PRH1: variants seen among roughly 807,000 people sequenced by gnomAD.
PRH1 encodes proline rich protein HaeIII subfamily 1.
PRH1 carries 7 observed loss-of-function variants against 7.9 expected under a neutral mutation model. That is an observed-to-expected ratio of 0.89 (90% CI 0.50 to 1.67). PRH1 has a LOEUF of 1.67. Ranked by LOEUF, PRH1 falls within the 40% of genes most tolerant of loss-of-function variation. PRH1 has a pLI of 0.00. For missense variants in PRH1, 109 were observed against 223.6 expected, an observed-to-expected ratio of 0.49 and a Z score of 3.27; for synonymous variants, 45 against 80.8, an observed-to-expected ratio of 0.56 and a Z score of 2.38.
rs1167072428 is a variant in PRH1 at position 11,065,381 on chromosome 12, C to T, written n.124-18193G>A. ...TTTACCACTTTTGGAAAAATCTCCA[C>T]AATGCTTCTGGCCCATTTTCTCTCT... On this transcript the variant is annotated intron_variant and non_coding_transcript_variant, in intron 1 of 4. Coordinates refer to the PRH1 transcript ENST00000541977. Among the ~76,000 whole-genome samples, 3 of 141,394 alleles carry T rather than the reference C, an allele frequency of 2.1e-5. No homozygotes were observed. In the East Asian group the frequency reaches 7.2e-4, roughly 34 times the overall value. The allele number at this position is 141,394 out of a possible 152,430, so 92.8% of individuals were successfully genotyped here.
rs1052748617 is a variant in PRH1, at chr12:11,082,380, C to T, written n.124-35192G>A. Among the ~76,000 whole-genome samples the T allele has an allele frequency of 3.5e-5, 4 of 114,558 alleles. 1 individual carries two copies. The highest frequency in any genetic ancestry group is 2.4e-4 in the South Asian group (1 of 4,220). 75.2% of individuals were successfully genotyped at this position (114,558 alleles called of 152,430 possible). ...AGTTCAATGGCACAATCTTGGCTCACGGCAACAGCTGCCTCCCTGGTTCAA... is the reference window on the plus strand; with the variant it reads ...AGTTCAATGGCACAATCTTGGCTCATGGCAACAGCTGCCTCCCTGGTTCAA... On this transcript the variant is annotated intron_variant and non_coding_transcript_variant, in intron 1 of 4. Transcript: ENST00000541977.
downstream of PRH1, among the ~76,000 whole-genome samples, chr12:11,119,205 T>A (rs1237744248): frequency 1.3e-5 from 2 of 151,960 alleles, no homozygotes; most frequent in African/African-American, 4.8e-5. Context: ...ATCTGTGGTA[T>A]CTAAAAATCA....
intron 2 of PRH1, among the ~76,000 whole-genome samples, chr12:10,956,576 C>T (rs909646045): frequency 1.3e-5 from 2 of 152,002 alleles, no homozygotes; most frequent in African/African-American, 2.4e-5. Flanking sequence ...TCAAAGCAAT[C>T]AGGAAGAGAA....
At position 11,031,966 on chromosome 12, in the gene PRH1, T is replaced by C. The variant is rs7315079; in HGVS notation, c.-126+15054A>G. On this transcript the variant is annotated intron_variant, in intron 1 of 3. Coordinates refer to the PRH1 transcript ENST00000539853. ...CTGTGACATTCTTTTTACTTTTAAT[T>C]GTTGTGACCAGTGTCAAGCCAGAAA... 9.4e-3 allele frequency among the ~76,000 whole-genome samples: 1,428 copies of C among 152,326 alleles called. 17 individuals are homozygous for C. Among genetic ancestry groups the C allele is most frequent in the African/African-American group, 0.032 (1,344 of 41,548 alleles).
chr12:10,940,075 A>G (rs1950373078), intron 2 of PRH1, among the ~76,000 whole-genome samples: 1 of 151,604 alleles, frequency 6.6e-6, no homozygotes, highest in Admixed American at 6.6e-5. Context: ...GGACTTATTC[A>G]TAGTTATCCA....
chr12:11,156,973 G>A (rs1038757273), intron 1 of PRH1, among the ~76,000 whole-genome samples: 1 of 151,720 alleles, frequency 6.6e-6, no homozygotes, highest in Non-Finnish European at 1.5e-5. Flanking sequence ...AGCCTCCCGA[G>A]TAGCTGGGTC....
chr12:10,951,748 A>C (rs1937680284), intron 2 of PRH1, among the ~76,000 whole-genome samples: 1 of 152,184 alleles, frequency 6.6e-6, no homozygotes, highest in Admixed American at 6.5e-5. Context: ...CACTTAAAAA[A>C]TGTGTTTTCG....
chr12:11,060,854 A>ACG (rs1228354420), intron 1 of PRH1, among the ~76,000 whole-genome samples: 3 of 152,258 alleles, frequency 2.0e-5, no homozygotes, highest in Non-Finnish European at 2.9e-5. Flanking sequence ...ACACATCCTT[A>ACG]TTATTGATTT....
chr12:10,967,955 C>T (rs1268551529), intron 2 of PRH1, among the ~76,000 whole-genome samples: 3 of 152,282 alleles, frequency 2.0e-5, no homozygotes, highest in South Asian at 2.1e-4. Flanking sequence ...GTGGCACGTG[C>T]CTGTCATCTC....
At chr12:10,889,394 G>T (rs1048649979) in intron 2 of PRH1, among the ~76,000 whole-genome samples, 3 of 151,940 alleles carry the variant, frequency 2.0e-5, no homozygotes, top group African/African-American at 7.3e-5. Context: ...TATTTATATT[G>T]CATTTTCCCT....
At chr12:10,996,673 G>A (rs933152415) in intron 1 of PRH1, 19 of 250,172 alleles carry the variant, frequency 7.6e-5, no homozygotes, top group South Asian at 3.4e-4. Context: ...ATCCTACTTT[G>A]GTATAACTGA....
intron 1 of PRH1, among the ~76,000 whole-genome samples, chr12:11,060,739 T>G (rs1943560308): frequency 6.6e-6 from 1 of 152,174 alleles, no homozygotes; most frequent in African/African-American, 2.4e-5. Flanking sequence ...ACTCTACATA[T>G]GCTTGTCACT....
chr12:10,982,652 T>C (rs1422806240), intron 1 of PRH1, among the ~76,000 whole-genome samples: 1 of 152,158 alleles, frequency 6.6e-6, no homozygotes, highest in Non-Finnish European at 1.5e-5. Flanking sequence ...AATATATTAA[T>C]AATATTACAT....
At chr12:11,118,319 G>T (rs1350489877), downstream of PRH1, among the ~76,000 whole-genome samples, 1 of 152,134 alleles carries the variant, frequency 6.6e-6, no homozygotes, top group African/African-American at 2.4e-5. Context: ...ATGTGAAAAG[G>T]TGCTCAACAT....
intron 1 of PRH1, among the ~76,000 whole-genome samples, chr12:11,139,607 T>C (rs1946650226): frequency 6.6e-6 from 1 of 152,232 alleles, no homozygotes; most frequent in African/African-American, 2.4e-5. Context: ...TGTAAACATG[T>C]CAGTCTTCTT....
At chr12:11,074,097 C>T (rs1246730500) in intron 1 of PRH1, among the ~76,000 whole-genome samples, 2 of 140,650 alleles carry the variant, frequency 1.4e-5, no homozygotes, top group African/African-American at 2.6e-5. Context: ...CTCTCCTGTT[C>T]CCATGGTCAG....
chr12:11,041,883 G>C (rs1284254718), intron 1 of PRH1, among the ~76,000 whole-genome samples: 1 of 151,962 alleles, frequency 6.6e-6, no homozygotes, highest in Non-Finnish European at 1.5e-5. Context: ...ATGACCAGTA[G>C]GTCAACAAAT....
chr12:11,054,721 TATC>T (rs1003119102), intron 1 of PRH1, among the ~76,000 whole-genome samples: 5 of 152,326 alleles, frequency 3.3e-5, no homozygotes, highest in South Asian at 2.1e-4. Flanking sequence ...TTTGAAATGT[TATC>T]ATAAATAATG....
chr12:11,022,273 G>A (rs1486276092), intron 1 of PRH1: 1 of 1,614,054 alleles, frequency 6.2e-7, no homozygotes, highest in South Asian at 1.1e-5. Flanking sequence ...GCTGAGGCTA[G>A]CAGCAAGCCA....
Sources: gnomAD v4.1 joint callset for allele counts (sites outside exome capture counted in the v4.1 genomes callset) on GRCh38, gnomAD v4.1.1 for gene constraint, MANE v1.5 for transcripts, NCBI Gene and HGNC (gene_info 2026-07-23, HGNC 2026-07-21) for gene names.